The following TSPAN14 variants were observed in gnomAD, a reference collection of about 807,000 sequenced individuals.
The protein encoded by TSPAN14 is tetraspanin-14.
A neutral mutation model predicts 36.6 loss-of-function variants in TSPAN14; 16 were observed. The observed-to-expected ratio is 0.44, with a 90% confidence interval of 0.30 to 0.66. The LOEUF (loss-of-function observed/expected upper bound fraction) is 0.66, where lower values mean the gene tolerates loss of function less well. Among genes scored for constraint, TSPAN14 ranks in the 30% least tolerant of loss-of-function variants. The pLI, the probability that TSPAN14 is intolerant of heterozygous loss-of-function variation, is 0.12. For missense variants in TSPAN14, 231 were observed against 355.1 expected (o/e 0.65, Z 2.81); for synonymous variants, 139 against 143.8 (o/e 0.97, Z 0.24).
At chr10:80,489,069 C>A in intron 1 of TSPAN14, 148 bp from the exon 2 acceptor site, 1 of 588,898 alleles carries the variant, frequency 1.7e-6, no homozygotes. Context: ...TTACCTATAC[C>A]TGGCCTTGGT....
At chr10:80,511,008 G>A (rs1840591346) in intron 5 of TSPAN14, among the ~76,000 whole-genome samples, 1 of 152,216 alleles carries the variant, frequency 6.6e-6, no homozygotes, top group African/African-American at 2.4e-5. Flanking sequence ...TGGAGGTGTG[G>A]GGGAGACAAT....
At chr10:80,489,472 T>C (rs988808260) in intron 2 of TSPAN14, among the ~76,000 whole-genome samples, 158 bp downstream of exon 2, 2 of 152,188 alleles carry the variant, frequency 1.3e-5, no homozygotes, top group Non-Finnish European at 2.9e-5. Flanking sequence ...CAGTTGCAGC[T>C]GTGGGGATGG....
At chr10:80,500,601 T>G (rs1052081907) in intron 2 of TSPAN14, among the ~76,000 whole-genome samples, 1 of 152,058 alleles carries the variant, frequency 6.6e-6, no homozygotes, top group Non-Finnish European at 1.5e-5. Flanking sequence ...CTCCCAGCAC[T>G]CGGCCTCCCA....
chr10:80,459,695 G>A (rs1845884435), intron 1 of TSPAN14, among the ~76,000 whole-genome samples: 1 of 152,228 alleles, frequency 6.6e-6, no homozygotes, highest in Admixed American at 6.5e-5. Context: ...CCTGTACACT[G>A]CACGGCCTTG....
At chr10:80,507,374 T>C (rs2132047399) in exon 4 of TSPAN14, 1 of 1,614,104 alleles carries the variant, frequency 6.2e-7, no homozygotes, top group Non-Finnish European at 8.5e-7. Flanking sequence ...TGCTCAACTT[T>C]GTGAGTGGCC....
chr10:80,484,850 T>C (rs1017822033), intron 1 of TSPAN14, among the ~76,000 whole-genome samples: 2 of 152,200 alleles, frequency 1.3e-5, no homozygotes, highest in African/African-American at 4.8e-5. Flanking sequence ...AACCCTGTTC[T>C]CTGGGTGTGG....
exon 9 of TSPAN14, chr10:80,518,313 G>A (rs1841058879): frequency 2.7e-6 from 1 of 370,510 alleles, no homozygotes; most frequent in South Asian, 2.8e-5. Flanking sequence ...AAGCATGTCT[G>A]CAGGACACCC....
chr10:80,500,314 CTTTTTTTTTTT>C (rs144759161), intron 2 of TSPAN14, among the ~76,000 whole-genome samples: 71 of 47,890 alleles, frequency 1.5e-3, no homozygotes, highest in Non-Finnish European at 1.8e-3. Flanking sequence ...AGGCCTTATT[CTTTTTTTTTTT>C]TTTTTTTTTT....
In TSPAN14 at chr10:80,509,458, C is replaced by A; in HGVS notation, c.437C>A (p.Ser146Tyr). The A allele has an allele frequency of 6.2e-7, 1 of 1,613,806 alleles. No homozygotes were observed. The highest frequency in any genetic ancestry group is 8.5e-7 in the Non-Finnish European group (1 of 1,179,930). Residue 146 changes from serine to tyrosine, a missense_variant, in exon 5 of 9, where the codon TCC becomes TAC. Physicochemically the swap from Ser to Tyr is moderately radical, Grantham distance 144 (BLOSUM62 -2). Coordinates refer to ENST00000429989, the Ensembl canonical transcript of TSPAN14. This position sits in a 1 kb window ranked among gnomAD's most constrained non-coding sequence, Gnocchi z 4.7. ...ATCGATCTGCAAAACCTCATCGACT[C>A]CCTTCAGAAAGCTGTAAGCACCTCC...
At chr10:80,516,246 A>G in exon 8 of TSPAN14, 2 of 1,614,242 alleles carry the variant, frequency 1.2e-6, no homozygotes, top group Non-Finnish European at 1.7e-6. Context: ...GAAAGGCTGC[A>G]TCCAGGCGCT....
At chr10:80,502,985 G>A (rs1848605902) in intron 2 of TSPAN14, among the ~76,000 whole-genome samples, 1 of 152,082 alleles carries the variant, frequency 6.6e-6, no homozygotes, top group South Asian at 2.1e-4. Flanking sequence ...CCGAAGCAGG[G>A]TGTGTCAGTG....
exon 8 of TSPAN14, chr10:80,516,241 G>A (rs1477409230): frequency 6.2e-7 from 1 of 1,614,116 alleles, no homozygotes; most frequent in Non-Finnish European, 8.5e-7. Context: ...TTCACGAAAG[G>A]CTGCATCCAG....
At chr10:80,457,712 A>T (rs1390349886) in intron 1 of TSPAN14, among the ~76,000 whole-genome samples, 1 of 152,152 alleles carries the variant, frequency 6.6e-6, no homozygotes, top group Non-Finnish European at 1.5e-5. Context: ...CTGTCTCCCT[A>T]AGGCCAGGGA....
exon 9 of TSPAN14, chr10:80,518,542 A>T (rs571974790): frequency 6.3e-6 from 1 of 158,410 alleles, no homozygotes; most frequent in South Asian, 1.8e-4. Flanking sequence ...GGTTGTTTGC[A>T]GGATCCTCAG....
intron 1 of TSPAN14, among the ~76,000 whole-genome samples, chr10:80,469,204 C>G (rs1464155057): frequency 6.6e-6 from 1 of 152,128 alleles, no homozygotes; most frequent in African/African-American, 2.4e-5. Flanking sequence ...GAAAGGGCAG[C>G]CCTAAGCCTC....
At chr10:80,468,429 C>T (rs1388790023) in intron 1 of TSPAN14, 1 of 152,202 alleles carries the variant, frequency 6.6e-6, no homozygotes, top group Admixed American at 6.5e-5. Flanking sequence ...AAACAAATCC[C>T]AAAATTAAAG....
chr10:80,483,705 T>C (rs1847418641), intron 1 of TSPAN14, among the ~76,000 whole-genome samples: 1 of 151,804 alleles, frequency 6.6e-6, no homozygotes, highest in Non-Finnish European at 1.5e-5. Flanking sequence ...GGTCAGTAGT[T>C]CGAGATCAGC....
intron 2 of TSPAN14, among the ~76,000 whole-genome samples, chr10:80,504,211 T>A (rs1436328345): frequency 1.3e-5 from 2 of 152,228 alleles, no homozygotes; most frequent in Admixed American, 6.5e-5. Flanking sequence ...GGATAGCTGC[T>A]TATCTGTGCC....
intron 1 of TSPAN14, among the ~76,000 whole-genome samples, chr10:80,469,884 G>A (rs1564712984): frequency 6.6e-6 from 1 of 152,078 alleles, no homozygotes; most frequent in East Asian, 1.9e-4. Flanking sequence ...CCTTTGAGGT[G>A]GGTTTTTTTT....
Sources: gnomAD v4.1 joint callset for allele counts (sites outside exome capture counted in the v4.1 genomes callset) on GRCh38, gnomAD v4.1.1 for gene constraint, Gnocchi (gnomAD v3.1) non-coding constraint, MANE v1.5 for transcripts, NCBI Gene and HGNC (gene_info 2026-07-23, HGNC 2026-07-21) for gene names.